Variants in MACROD2 observed in about 807,000 individuals in gnomAD.
MACROD2 encodes ADP-ribose glycohydrolase MACROD2.
In MACROD2, 36 loss-of-function variants were observed where a neutral mutation model predicts 70.4. That is an observed-to-expected ratio of 0.51 (90% CI 0.39 to 0.68). MACROD2 has a LOEUF of 0.68. Among genes scored for constraint, MACROD2 ranks in the 30% least tolerant of loss-of-function variants. MACROD2 has a pLI of 0.00. For missense variants in MACROD2, 496 were observed against 538.4 expected (o/e 0.92, Z 0.78); for synonymous variants, 172 against 178.8 (o/e 0.96, Z 0.30).
At chr20:15,890,607 A>G (rs1418610151) in intron 10 of MACROD2, among the ~76,000 whole-genome samples, 2 of 152,166 alleles carry the variant, frequency 1.3e-5, no homozygotes, top group African/African-American at 2.4e-5. Context: ...GTCATTGGCA[A>G]AATTTTTCAC....
chr20:14,013,537 G>T (rs1463696276), intron 2 of MACROD2, among the ~76,000 whole-genome samples: 2 of 152,034 alleles, frequency 1.3e-5, no homozygotes, highest in Admixed American at 1.3e-4. Flanking sequence ...CTCCCAAAGT[G>T]CTGGGATTAC....
At chr20:14,637,138 G>T (rs138666064) in intron 4 of MACROD2, among the ~76,000 whole-genome samples, 277 of 152,274 alleles carry the variant, frequency 1.8e-3, no homozygotes, top group African/African-American at 6.3e-3. Flanking sequence ...GAGAACAGGT[G>T]GGGGAAGAAT....
intron 6 of MACROD2, among the ~76,000 whole-genome samples, chr20:15,406,060 G>T (rs534281476): frequency 1.3e-5 from 2 of 152,076 alleles, no homozygotes; most frequent in Non-Finnish European, 2.9e-5. Context: ...AGGGACTTCC[G>T]AGAGGAGAGG....
At chr20:14,001,920 A>G (rs1040138648) in intron 1 of MACROD2, among the ~76,000 whole-genome samples, 3 of 152,222 alleles carry the variant, frequency 2.0e-5, no homozygotes, top group Admixed American at 6.5e-5. Context: ...ACTAGACACC[A>G]TGTCACACAT....
At chr20:15,594,482 G>A (rs2048721444) in intron 8 of MACROD2, among the ~76,000 whole-genome samples, 1 of 152,144 alleles carries the variant, frequency 6.6e-6, no homozygotes, top group Admixed American at 6.5e-5. Flanking sequence ...TTACTGGGCT[G>A]CCCTCCAGAA....
intron 6 of MACROD2, among the ~76,000 whole-genome samples, chr20:15,316,187 A>G (rs1015506166): frequency 6.6e-6 from 1 of 152,122 alleles, no homozygotes; most frequent in African/African-American, 2.4e-5. Flanking sequence ...TACAGAAAAC[A>G]AATAGCAAAA....
Position 15,708,836 on chromosome 20 carries a change from G to A in MACROD2, c.646-153909G>A, listed in dbSNP as rs547483801. ...GGCCAGGAGTTCAAGACCAGCCTGGGCAAAATAGCAAGACCTCATCTCTAC... is the reference window on the plus strand; with the variant it reads ...GGCCAGGAGTTCAAGACCAGCCTGGACAAAATAGCAAGACCTCATCTCTAC... On this transcript the variant is annotated intron_variant, in intron 8 of 17. Coordinates refer to ENST00000684519, the MANE Select transcript of MACROD2 (RefSeq NM_001351661.2). Among the ~76,000 whole-genome samples the A allele has an allele frequency of 2.0e-5, 3 of 152,152 alleles. No homozygotes were observed. The South Asian group carries it at 6.2e-4, about 32-fold the overall frequency.
intron 8 of MACROD2, among the ~76,000 whole-genome samples, chr20:15,618,181 T>C (rs181020126): frequency 6.8e-6 from 1 of 147,188 alleles, no homozygotes; most frequent in Non-Finnish European, 1.5e-5. Flanking sequence ...ACACTCATGG[T>C]TCCTTTCCCC....
chr20:14,671,450 A>G (rs976876767), intron 4 of MACROD2, among the ~76,000 whole-genome samples: 1 of 152,018 alleles, frequency 6.6e-6, no homozygotes, highest in African/African-American at 2.4e-5. Flanking sequence ...CTCATTTGCT[A>G]TTTCAAGTTC....
chr20:15,159,921 TACTG>T (rs2076336055), intron 5 of MACROD2, among the ~76,000 whole-genome samples: 1 of 151,804 alleles, frequency 6.6e-6, no homozygotes, highest in Non-Finnish European at 1.5e-5. Flanking sequence ...CCCAGGAAAA[TACTG>T]AGGAAGGAGA....
intron 5 of MACROD2, among the ~76,000 whole-genome samples, chr20:14,904,206 G>A (rs926389002): frequency 6.6e-6 from 1 of 152,108 alleles, no homozygotes; most frequent in African/African-American, 2.4e-5. Context: ...ACTAGCAACA[G>A]TGGAATGCTG....
intron 3 of MACROD2, among the ~76,000 whole-genome samples, chr20:14,492,889 C>T (rs1442670806): frequency 6.6e-6 from 1 of 151,942 alleles, no homozygotes; most frequent in Non-Finnish European, 1.5e-5. Flanking sequence ...ATTTTTTTAG[C>T]TCCTATAAAT....
At chr20:14,612,550 G>A (rs1038556083) in intron 4 of MACROD2, among the ~76,000 whole-genome samples, 1 of 152,024 alleles carries the variant, frequency 6.6e-6, no homozygotes, top group African/African-American at 2.4e-5. Flanking sequence ...ATACACATAT[G>A]CATGCAGTAT....
intron 8 of MACROD2, among the ~76,000 whole-genome samples, chr20:15,750,144 T>C (rs1325820121): frequency 6.6e-6 from 1 of 151,944 alleles, no homozygotes; most frequent in Non-Finnish European, 1.5e-5. Flanking sequence ...ACTTAAACAA[T>C]TCAAGAGCAA....
At chr20:15,877,224 G>C (rs915008187) in intron 9 of MACROD2, among the ~76,000 whole-genome samples, 4 of 152,010 alleles carry the variant, frequency 2.6e-5, no homozygotes, top group African/African-American at 9.7e-5. Context: ...AGTCTCTCAG[G>C]CGTCTTCAAC....
chr20:15,844,455 T>C (rs1044001161), intron 8 of MACROD2, among the ~76,000 whole-genome samples: 1 of 152,162 alleles, frequency 6.6e-6, no homozygotes, highest in Non-Finnish European at 1.5e-5. Flanking sequence ...CTCCCCCAGA[T>C]AGCCTAGTGA....
At chr20:14,720,809 C>T (rs942446712) in intron 5 of MACROD2, among the ~76,000 whole-genome samples, 3 of 151,876 alleles carry the variant, frequency 2.0e-5, no homozygotes, top group Admixed American at 6.6e-5. Flanking sequence ...TCCTCAGCCC[C>T]GCAATGTGCT....
At chr20:15,614,407 T>C (rs2049010174) in intron 8 of MACROD2, among the ~76,000 whole-genome samples, 1 of 152,176 alleles carries the variant, frequency 6.6e-6, no homozygotes, top group African/African-American at 2.4e-5. Context: ...TTTTTCCACA[T>C]TTGGAAAATC....
At chr20:15,480,400 C>A (rs1466859893) in intron 7 of MACROD2, among the ~76,000 whole-genome samples, 4 of 152,182 alleles carry the variant, frequency 2.6e-5, no homozygotes, top group African/African-American at 9.7e-5. Context: ...GATTCTGTGC[C>A]ATTTCTATGT....
Sources: allele counts gnomAD v4.1 joint callset (sites outside exome capture counted in the v4.1 genomes callset), GRCh38; gene constraint gnomAD v4.1.1; transcripts MANE v1.5; gene names NCBI Gene and HGNC (gene_info 2026-07-23, HGNC 2026-07-21).